EBF1: variants seen among roughly 807,000 people sequenced by gnomAD.
The protein encoded by EBF1 is EBF transcription factor 1.
A neutral mutation model predicts 68.4 loss-of-function variants in EBF1; 10 were observed. That is an observed-to-expected ratio of 0.15 (90% CI 0.09 to 0.25). EBF1 has a LOEUF of 0.25. EBF1 is among the 10% of genes least tolerant of loss of function. The probability of loss-of-function intolerance (pLI) is 1.00; values close to 1 mark genes in which losing one functional copy is unlikely to be tolerated. For missense variants in EBF1, 509 were observed against 794.4 expected, an observed-to-expected ratio of 0.64 and a Z score of 4.32; for synonymous variants, 298 against 299.8, an observed-to-expected ratio of 0.99 and a Z score of 0.06.
intron 6 of EBF1, among the ~76,000 whole-genome samples, chr5:158,847,570 G>A (rs1433482882): frequency 1.3e-5 from 2 of 152,150 alleles, no homozygotes; most frequent in South Asian, 4.2e-4. Flanking sequence ...GTTCATGTGT[G>A]GTAGAGAAGA....
In EBF1 at chr5:158,811,905, C is replaced by T. The variant is rs1324335889; in HGVS notation, c.778+11271G>A. On this transcript the variant is annotated intron_variant, in intron 8 of 15. Transcript: ENST00000313708. ...AATTTTGAATATGTGTTCCCCTCTC[C>T]TGTTCATTCTCATTGAAAATTTTAA... Among the ~76,000 whole-genome samples, 8 of 152,258 alleles carry T rather than the reference C, an allele frequency of 5.3e-5. No homozygotes were observed. In the East Asian group the frequency reaches 1.5e-3, roughly 29 times the overall value.
intron 11 of EBF1, among the ~76,000 whole-genome samples, chr5:158,719,601 G>T (rs369598732): frequency 1.3e-5 from 2 of 152,136 alleles, no homozygotes. Context: ...GAAGGGAAAG[G>T]TTGTCTAACT....
chr5:158,772,345 G>T (rs1445335140), intron 10 of EBF1, among the ~76,000 whole-genome samples: 1 of 152,204 alleles, frequency 6.6e-6, no homozygotes, highest in East Asian at 1.9e-4. Context: ...CTGGAAGCTG[G>T]AGTTGAAGCT....
At chr5:159,052,890 AC>A (rs1353404973) in intron 6 of EBF1, among the ~76,000 whole-genome samples, 2 of 152,118 alleles carry the variant, frequency 1.3e-5, no homozygotes, top group Non-Finnish European at 2.9e-5. Flanking sequence ...AAATGAGACA[AC>A]CAACTGCACA....
In EBF1 at chr5:158,709,944, TG is replaced by T. The variant is rs1026734108; in HGVS notation, c.1550-1772del. Among the ~76,000 whole-genome samples the T allele has an allele frequency of 2.6e-5, 4 of 151,986 alleles. No homozygotes were observed. The East Asian group carries it at 5.8e-4, about 22-fold the overall frequency. Reference sequence around the variant, plus strand: ...TATTTAGAGGTGGGGAGTTTTGGGGTGGGGGGCCAGTTAACAGAGGTAGAGG... The same window carrying T: ...TATTTAGAGGTGGGGAGTTTTGGGGTGGGGGCCAGTTAACAGAGGTAGAGG... On this transcript the variant is annotated intron_variant, in intron 14 of 15. Coordinates refer to ENST00000313708, the MANE Select transcript of EBF1 (RefSeq NM_024007.5).
chr5:158,881,384 G>C (rs868861473), intron 6 of EBF1, among the ~76,000 whole-genome samples: 1 of 152,162 alleles, frequency 6.6e-6, no homozygotes, highest in Non-Finnish European at 1.5e-5. Context: ...CCGTGATTCT[G>C]GATACAGTTC....
chr5:158,737,057 TC>T lies in EBF1; in HGVS notation c.1037-5901del, dbSNP rs1312773792. Among the ~76,000 whole-genome samples the T allele has an allele frequency of 1.4e-4, 22 of 152,196 alleles. No homozygotes were observed. In the East Asian group the frequency reaches 3.3e-3, roughly 23 times the overall value. On this transcript the variant is annotated intron_variant, in intron 10 of 15. Coordinates refer to ENST00000313708, the MANE Select transcript of EBF1 (RefSeq NM_024007.5). ...AACACCAAATTCCTTGCAAGTGAGC[TC>T]CTGCTTTCCCGTGAAATGCTTTTAC...
At chr5:159,031,127 T>G (rs1183745147) in intron 6 of EBF1, among the ~76,000 whole-genome samples, 1 of 152,080 alleles carries the variant, frequency 6.6e-6, no homozygotes, top group Admixed American at 6.5e-5. Flanking sequence ...TGAGCTGAGA[T>G]CATGCCACTG....
chr5:158,940,921 T>C (rs1813211389), intron 6 of EBF1, among the ~76,000 whole-genome samples: 2 of 152,130 alleles, frequency 1.3e-5, no homozygotes, highest in South Asian at 4.2e-4. Flanking sequence ...ATTATAATCA[T>C]TATCTGTGTA....
chr5:158,873,223 G>A (rs945073309), intron 6 of EBF1, among the ~76,000 whole-genome samples: 5 of 151,786 alleles, frequency 3.3e-5, no homozygotes, highest in African/African-American at 9.7e-5. Context: ...TAGTTAGTGG[G>A]GATTTTACTG....
At chr5:158,772,197 A>G (rs979921954) in intron 10 of EBF1, among the ~76,000 whole-genome samples, 1 of 152,178 alleles carries the variant, frequency 6.6e-6, no homozygotes, top group Admixed American at 6.6e-5. Flanking sequence ...AGAAAAGACT[A>G]AAGTGCAGGA....
At chr5:159,091,922 G>A (rs943273164) in intron 4 of EBF1, among the ~76,000 whole-genome samples, 1 of 152,030 alleles carries the variant, frequency 6.6e-6, no homozygotes, top group Non-Finnish European at 1.5e-5. Context: ...TTTGTTTAGG[G>A]GAAGAGTGTT....
At chr5:158,761,171 G>C (rs1163261429) in intron 10 of EBF1, among the ~76,000 whole-genome samples, 1 of 152,140 alleles carries the variant, frequency 6.6e-6, no homozygotes, top group Non-Finnish European at 1.5e-5. Context: ...CAGTTAAAGG[G>C]CCAATGCAAT....
chr5:159,018,074 A>C (rs1299744416), intron 6 of EBF1, among the ~76,000 whole-genome samples: 21 of 130,248 alleles, frequency 1.6e-4, no homozygotes, highest in South Asian at 5.0e-4. Context: ...CGCTAACCCC[A>C]CCCCCTCTTC....
intron 10 of EBF1, among the ~76,000 whole-genome samples, chr5:158,740,134 G>C (rs527291511): frequency 6.6e-6 from 1 of 152,262 alleles, no homozygotes; most frequent in East Asian, 1.9e-4. Flanking sequence ...GATAAATACT[G>C]TCAGACATAG....
intron 6 of EBF1, among the ~76,000 whole-genome samples, chr5:158,886,983 CAAGAGAGA>C (rs963407938): frequency 2.6e-5 from 4 of 152,056 alleles, no homozygotes; most frequent in Non-Finnish European, 5.9e-5. Flanking sequence ...GCCTGGGCAA[CAAGAGAGA>C]AACTCCATCT....
At chr5:158,829,879 G>A (rs1233321012) in intron 7 of EBF1, among the ~76,000 whole-genome samples, 2 of 152,132 alleles carry the variant, frequency 1.3e-5, no homozygotes, top group East Asian at 3.9e-4. Context: ...TCCACAGTAA[G>A]GCTGCATACT....
chr5:158,747,875 A>C (rs1767946359), intron 10 of EBF1, among the ~76,000 whole-genome samples: 1 of 152,138 alleles, frequency 6.6e-6, no homozygotes, highest in South Asian at 2.1e-4. Context: ...CAGGAGAAAG[A>C]CCCTTAGGAC....
chr5:158,939,090 T>C lies in EBF1; in HGVS notation c.555-98980A>G, dbSNP rs1583317860. Among the ~76,000 whole-genome samples, 6 of 152,348 alleles carry C rather than the reference T, an allele frequency of 3.9e-5. No homozygotes were observed. The South Asian group carries it at 1.2e-3, about 32-fold the overall frequency. ...AAGACCTGGCACACATGTGCTTTTATGCATCTAAATAAATCAAGAGGAGCA... is the reference window on the plus strand; with the variant it reads ...AAGACCTGGCACACATGTGCTTTTACGCATCTAAATAAATCAAGAGGAGCA... On this transcript the variant is annotated intron_variant, in intron 6 of 15. Transcript: ENST00000313708.
Sources: allele counts gnomAD v4.1 joint callset (sites outside exome capture counted in the v4.1 genomes callset), GRCh38; gene constraint gnomAD v4.1.1; transcripts MANE v1.5; gene names NCBI Gene and HGNC (gene_info 2026-07-23, HGNC 2026-07-21).